RTTN: variants seen among roughly 807,000 people sequenced by gnomAD.
RTTN encodes the protein rotatin.
RTTN carries 182 observed loss-of-function variants against 269.2 expected under a neutral mutation model. The ratio of observed to expected loss-of-function variants is 0.68; its 90% CI spans 0.60 to 0.76. The LOEUF (loss-of-function observed/expected upper bound fraction) is 0.76. Ranked by LOEUF, RTTN falls within the 30% of genes least tolerant of loss-of-function variation. The probability of loss-of-function intolerance (pLI) is 0.00; values close to 1 mark genes in which losing one functional copy is unlikely to be tolerated. For synonymous variants in RTTN, 1,006 were observed against 963.5 expected, an observed-to-expected ratio of 1.04 and a Z score of -0.82; for missense variants, 2,545 against 2,608.6, an observed-to-expected ratio of 0.98 and a Z score of 0.53.
chr18:70,185,392 A>T (rs1347673115), intron 10 of RTTN, among the ~76,000 whole-genome samples: 3 of 152,218 alleles, frequency 2.0e-5, no homozygotes, highest in Non-Finnish European at 4.4e-5. Context: ...AAGCTAAATG[A>T]TCATCTCAAT....
intron 11 of RTTN, among the ~76,000 whole-genome samples, chr18:70,173,147 A>C (rs1168269341): frequency 6.6e-6 from 1 of 152,210 alleles, no homozygotes; most frequent in African/African-American, 2.4e-5. Flanking sequence ...GCAGTGTTTT[A>C]TCCGTTTTCC....
At chr18:70,176,911 C>T (rs1435017038) in intron 10 of RTTN, 66 bp from the exon 11 acceptor site, 8 of 1,189,210 alleles carry the variant, frequency 6.7e-6, no homozygotes, top group Admixed American at 4.8e-5. Context: ...TATACAAAAG[C>T]CATGGAGAAC....
intron 28 of RTTN, among the ~76,000 whole-genome samples, chr18:70,108,017 G>A (rs112896774): frequency 0.026 from 4,034 of 152,292 alleles, 187 homozygotes; most frequent in African/African-American, 0.092. Context: ...GCTCACACCC[G>A]TAATCCCAGC....
intron 26 of RTTN, among the ~76,000 whole-genome samples, chr18:70,120,076 T>A (rs2059696902): frequency 1.3e-5 from 2 of 152,164 alleles, no homozygotes; most frequent in African/African-American, 4.8e-5. Context: ...CCTACCCTCA[T>A]GAATAGACTA....
chr18:70,030,018 T>A lies in RTTN; in HGVS notation c.5739A>T (p.Lys1913Asn). 6.2e-7 allele frequency: 1 copy of A among 1,611,268 alleles called. No individual in the cohort carries two copies. Among genetic ancestry groups the A allele is most frequent in the African/African-American group, 1.3e-5 (1 of 74,990 alleles). The change falls in exon 42 of 49, where the codon AAA (lysine) becomes AAT (asparagine). Residue 1913 changes from lysine to asparagine, a missense_variant. Physicochemically the swap from Lys to Asn is moderately conservative, Grantham distance 94 (BLOSUM62 0). Coordinates refer to ENST00000640769, the MANE Select transcript of RTTN (RefSeq NM_173630.4). The stretch of plus-strand genomic sequence containing the variant: ...ATTTATCCCAGAATGTTACCTTTTT[T>A]TTCAATGCTGCTTTCCCAGGCCTCA... The part of the protein sequence containing the change: ...DSLRPGKAAL[K>N]KKEDGVIKEL...
intron 11 of RTTN, among the ~76,000 whole-genome samples, chr18:70,174,654 T>C (rs2061239274): frequency 6.6e-6 from 1 of 151,456 alleles, no homozygotes; most frequent in Middle Eastern, 3.2e-3. Flanking sequence ...TTAGTACCCA[T>C]TAAAATTTAT....
At chr18:70,038,334 T>G (rs1329714891) in intron 40 of RTTN, among the ~76,000 whole-genome samples, 2 of 152,168 alleles carry the variant, frequency 1.3e-5, no homozygotes, top group Non-Finnish European at 2.9e-5. Context: ...TCAGGACTAA[T>G]CCAGTGCAGT....
chr18:70,087,883 ATC>A, intron 31 of RTTN, 104 bp downstream of exon 31: 5 of 1,163,484 alleles, frequency 4.3e-6, no homozygotes, highest in Non-Finnish European at 6.1e-6. Flanking sequence ...GACAGAAGAG[ATC>A]ATGGTCAGTG....
chr18:70,100,932 T>C (rs1198270270), intron 28 of RTTN, among the ~76,000 whole-genome samples: 1 of 152,200 alleles, frequency 6.6e-6, no homozygotes, highest in Non-Finnish European at 1.5e-5. Context: ...GAAGCCCACT[T>C]GATCATGGTG....
At chr18:70,140,342 T>C (rs1332403232) in intron 19 of RTTN, among the ~76,000 whole-genome samples, 154 bp from the exon 20 acceptor site, 1 of 152,186 alleles carries the variant, frequency 6.6e-6, no homozygotes, top group African/African-American at 2.4e-5. Flanking sequence ...CTTTTAACTT[T>C]TTACTTTACG....
At chr18:70,114,405 T>C (rs1319598461) in intron 27 of RTTN, 40 bp downstream of exon 27, 2 of 1,568,866 alleles carry the variant, frequency 1.3e-6, no homozygotes, top group Non-Finnish European at 1.7e-6. Context: ...ACTTGGGTTC[T>C]ATATAAATGC....
At chr18:70,024,632 A>C (rs2056801469) in intron 44 of RTTN, 90 bp downstream of exon 44, 1 of 1,191,172 alleles carries the variant, frequency 8.4e-7, no homozygotes, top group African/African-American at 1.5e-5. Flanking sequence ...ATACTTCAAA[A>C]TATGTATTAG....
At chr18:70,023,094 AT>A (rs1231390707) in intron 44 of RTTN, among the ~76,000 whole-genome samples, 1 of 152,150 alleles carries the variant, frequency 6.6e-6, no homozygotes, top group African/African-American at 2.4e-5. Context: ...ATAAGAGACT[AT>A]AACTTCTGCC....
chr18:70,032,569 A>T lies in RTTN; in HGVS notation c.5542-1588T>A, dbSNP rs56096420. 6.5e-3 allele frequency among the ~76,000 whole-genome samples: 990 copies of T among 152,326 alleles called. 3 individuals carry two copies. Among genetic ancestry groups the T allele is most frequent in the East Asian group, 0.014 (74 of 5,184 alleles). On this transcript the variant is annotated intron_variant, in intron 40 of 48. Coordinates refer to ENST00000640769, the MANE Select transcript of RTTN (RefSeq NM_173630.4). The stretch of plus-strand genomic sequence containing the variant: ...AAATAGACTTTAAACCAACAAAGAT[A>T]AAAAAGACAAAGAAGGGCATTACAA...
At chr18:70,128,577 C>T in intron 23 of RTTN, 31 bp from the exon 24 acceptor site, 1 of 1,577,744 alleles carries the variant, frequency 6.3e-7, no homozygotes. Flanking sequence ...TAATTACAAA[C>T]TTTCAAATTC....
At position 70,098,246 on chromosome 18, in the gene RTTN, C is replaced by T. The variant is rs116827162; in HGVS notation, c.3904-5442G>A. ...AATTCGTAGCACTAAATGCCTCCAT[C>T]AAAAAGTTAGAAAGATCTCAAATTA... On this transcript the variant is annotated intron_variant, in intron 28 of 48. Coordinates refer to ENST00000640769, the MANE Select transcript of RTTN (RefSeq NM_173630.4). Among the ~76,000 whole-genome samples the T allele has an allele frequency of 5.0e-3, 765 of 152,176 alleles. 6 individuals carry two copies. Among genetic ancestry groups the T allele is most frequent in the African/African-American group, 0.017 (725 of 41,520 alleles).
At chr18:70,023,361 A>C (rs1428668280) in intron 44 of RTTN, among the ~76,000 whole-genome samples, 1 of 152,170 alleles carries the variant, frequency 6.6e-6, no homozygotes, top group Non-Finnish European at 1.5e-5. Context: ...AATATTCCCA[A>C]CATTTGAAAT....
At chr18:70,160,964 A>G (rs527636063) in intron 14 of RTTN, among the ~76,000 whole-genome samples, 32 of 152,226 alleles carry the variant, frequency 2.1e-4, no homozygotes, top group Non-Finnish European at 4.1e-4. Flanking sequence ...TCAAACTACC[A>G]ATGTCATTCT....
intron 40 of RTTN, 57 bp from the exon 41 acceptor site, chr18:70,031,038 G>C: frequency 8.4e-7 from 1 of 1,195,168 alleles, no homozygotes; most frequent in Admixed American, 2.0e-5. Context: ...GAGCAAAACT[G>C]TTGTGAATAA....
Sources: allele counts gnomAD v4.1 joint callset (sites outside exome capture counted in the v4.1 genomes callset), GRCh38; gene constraint gnomAD v4.1.1; transcripts MANE v1.5; gene names NCBI Gene and HGNC (gene_info 2026-07-23, HGNC 2026-07-21).